The following SASS6 variants were observed in gnomAD, a reference collection of about 807,000 sequenced individuals.
SASS6 encodes the protein spindle assembly abnormal protein 6 homolog.
SASS6 carries 59 observed loss-of-function variants against 94.9 expected under a neutral mutation model. The observed-to-expected ratio is 0.62, with a 90% CI of 0.50 to 0.77. The LOEUF (loss-of-function observed/expected upper bound fraction) is 0.77, where lower values mean the gene tolerates loss of function less well. Ranked by LOEUF, SASS6 falls within the 30% of genes least tolerant of loss-of-function variation. SASS6 has a pLI of 0.00. For missense variants in SASS6, 698 were observed against 734.1 expected (o/e 0.95, Z 0.57); for synonymous variants, 264 against 270.0 (o/e 0.98, Z 0.22).
chr1:100,120,394 C>A lies in SASS6; in HGVS notation c.549G>T (p.Lys183Asn). The A allele has an allele frequency of 6.8e-7, 1 of 1,477,644 alleles. No homozygotes were observed. The highest frequency in any genetic ancestry group is 9.5e-7 in the Non-Finnish European group (1 of 1,057,890). The allele number at this position is 1,477,644 out of a possible 1,614,324, so 91.5% of individuals were successfully genotyped here. Residue 183 changes from lysine (K) to asparagine (N), a missense_variant and splice_region_variant, in exon 6 of 17, where the codon AAG (lysine) becomes AAT (asparagine). Physicochemically the swap from Lys to Asn is moderately conservative, Grantham distance 94. Coordinates refer to ENST00000287482, the MANE Select transcript of SASS6 (RefSeq NM_194292.3). ...AAAGACAAAATGAAATTTGAATTACCTTTCGTGTAAAGTCCAGTTGCTTAG... is the reference window on the plus strand; with the variant it reads ...AAAGACAAAATGAAATTTGAATTACATTTCGTGTAAAGTCCAGTTGCTTAG... ...DATKQLDFTR[K>N]TLAEKKQELD...
chr1:100,087,427 G>T (rs556533186), intron 15 of SASS6, among the ~76,000 whole-genome samples: 1 of 152,320 alleles, frequency 6.6e-6, no homozygotes, highest in East Asian at 1.9e-4. Flanking sequence ...ATGAGTATCA[G>T]CAGACAGGCC....
chr1:100,109,754 T>C (rs1653163469), intron 8 of SASS6, among the ~76,000 whole-genome samples: 1 of 152,066 alleles, frequency 6.6e-6, no homozygotes, highest in Non-Finnish European at 1.5e-5. Flanking sequence ...CTTAGTTTCA[T>C]CATCTGTAAA....
intron 14 of SASS6, among the ~76,000 whole-genome samples, chr1:100,091,091 G>A (rs550812219): frequency 7.2e-5 from 11 of 152,158 alleles, no homozygotes; most frequent in African/African-American, 2.2e-4. Context: ...AATCACATGA[G>A]GCCAGAAGTT....
rs199910652 is a variant in SASS6, at chr1:100,107,854, C to A, written c.1012G>T (p.Val338Phe). The A allele has an allele frequency of 1.2e-6, 2 of 1,612,966 alleles. No individual in the cohort carries two copies. Among genetic ancestry groups the A allele is most frequent in the Non-Finnish European group, 1.7e-6 (2 of 1,179,248 alleles). The change falls in exon 9 of 17, where the codon GTT becomes TTT. Residue 338 changes from valine (V) to phenylalanine (F), a missense_variant. Physicochemically the swap from Val to Phe is conservative, Grantham distance 50. Coordinates refer to ENST00000287482, the MANE Select transcript of SASS6 (RefSeq NM_194292.3). ...EQEIKDKDQL[V>F]LRTKEAFDTI... ...TCAAATGCCTCTTTTGTTCTTAAAA[C>A]AAGCTGGTCCTTATCCTTGATTTCC...
chr1:100,102,464 G>A lies in SASS6; in HGVS notation c.1674+491C>T, dbSNP rs377716289. Among the ~76,000 whole-genome samples, 3 of 152,182 alleles carry A rather than the reference G, an allele frequency of 2.0e-5. No individual in the cohort carries two copies. In the East Asian group the frequency reaches 5.8e-4, roughly 29 times the overall value. ...GGCCAAGGCAGGCGGATCACTTGAGGCCAGGAGTTCGAGACCAGCCTGGCC... is the reference window on the plus strand; with the variant it reads ...GGCCAAGGCAGGCGGATCACTTGAGACCAGGAGTTCGAGACCAGCCTGGCC... On this transcript the variant is annotated intron_variant, in intron 14 of 16. Transcript: ENST00000287482.
At position 100,121,385 on chromosome 1, in the gene SASS6, C is replaced by G; in HGVS notation, c.476G>C (p.Cys159Ser). The change falls in exon 5 of 17, where the codon TGT (cysteine) becomes TCT (serine). Residue 159 changes from cysteine to serine, a missense_variant. Cys to Ser is a moderately radical substitution (Grantham distance 112). Coordinates refer to ENST00000287482, the MANE Select transcript of SASS6 (RefSeq NM_194292.3). Reference sequence around the variant, plus strand: ...CTTAAATTTAAATCTTACCTTGCTACATTTCAAACAGCCTGCGAGAAATTT... The same window carrying G: ...CTTAAATTTAAATCTTACCTTGCTAGATTTCAAACAGCCTGCGAGAAATTT... ...IKKFLAGCLK[C>S]SKEEKLSLMQ... 1 of 1,559,866 alleles carries G rather than the reference C, an allele frequency of 6.4e-7. No individual in the cohort carries two copies. The highest frequency in any genetic ancestry group is 1.2e-5 in the South Asian group (1 of 83,380).
intron 7 of SASS6, among the ~76,000 whole-genome samples, chr1:100,113,577 T>C (rs184048398): frequency 5.8e-4 from 86 of 148,228 alleles, no homozygotes; most frequent in Non-Finnish European, 7.6e-4. Flanking sequence ...GTTGAGATCA[T>C]GCCACTGCAC....
chr1:100,093,459 T>C (rs933070609), intron 14 of SASS6, among the ~76,000 whole-genome samples: 1 of 152,136 alleles, frequency 6.6e-6, no homozygotes, highest in Non-Finnish European at 1.5e-5. Context: ...TAGTGTTCCA[T>C]GTGTACTTGA....
chr1:100,105,536 A>C (rs1023367761), intron 13 of SASS6, among the ~76,000 whole-genome samples: 1 of 152,040 alleles, frequency 6.6e-6, no homozygotes, highest in Non-Finnish European at 1.5e-5. Flanking sequence ...CAAAAAAAAA[A>C]CAAAACAAAA....
intron 11 of SASS6, 62 bp downstream of exon 11, chr1:100,107,312 C>A: frequency 3.0e-6 from 3 of 1,014,230 alleles, no homozygotes; most frequent in East Asian, 2.5e-5. Context: ...TGTAACAAAG[C>A]ATAAATTTTT....
chr1:100,122,553 T>A (rs1383287087), intron 3 of SASS6, 69 bp from the exon 4 acceptor site: 6 of 493,532 alleles, frequency 1.2e-5, no homozygotes, highest in South Asian at 2.7e-5. Context: ...TGGTGCCTTT[T>A]TTTTTTTTTT....
At chr1:100,119,464 A>AC (rs147541847) in intron 6 of SASS6, among the ~76,000 whole-genome samples, 5 of 152,280 alleles carry the variant, frequency 3.3e-5, no homozygotes, top group Non-Finnish European at 7.4e-5. Context: ...TACATATAAA[A>AC]CCCAGTAACA....
Position 100,120,472 on chromosome 1 carries a change from A to G in SASS6, c.484-13T>C, listed in dbSNP as rs1352718393. ...ATAATTTTTCTTCCTATTCATAAAAATAATAAAATTACACAGTTTACAATG... is the reference window on the plus strand; with the variant it reads ...ATAATTTTTCTTCCTATTCATAAAAGTAATAAAATTACACAGTTTACAATG... On this transcript the variant is annotated splice_polypyrimidine_tract_variant and intron_variant, in intron 5 of 16. Transcript: ENST00000287482. 1 of 1,180,162 alleles carries G rather than the reference A, an allele frequency of 8.5e-7. No individual in the cohort carries two copies. The highest frequency in any genetic ancestry group is 1.3e-6 in the Non-Finnish European group (1 of 785,932). The allele number at this position is 1,180,162 out of a possible 1,614,324, so 73.1% of individuals were successfully genotyped here. A position where few individuals can be genotyped will look rare whatever the true frequency, so the allele number is the denominator to read the frequency against.
chr1:100,122,558 T>TTC (rs1654280323), intron 3 of SASS6, 74 bp from the exon 4 acceptor site: 2 of 592,056 alleles, frequency 3.4e-6, no homozygotes, highest in Middle Eastern at 4.8e-4. Context: ...CCTTTTTTTT[T>TTC]TTTTTTTTTT....
chr1:100,093,631 G>A (rs756175877), intron 14 of SASS6, among the ~76,000 whole-genome samples: 4 of 151,960 alleles, frequency 2.6e-5, no homozygotes, highest in Non-Finnish European at 5.9e-5. Flanking sequence ...GTGTGGTGGT[G>A]TGCACCTGTA....
chr1:100,128,515 T>C (rs1654781635), intron 1 of SASS6, among the ~76,000 whole-genome samples: 1 of 152,180 alleles, frequency 6.6e-6, no homozygotes, highest in Admixed American at 6.5e-5. Context: ...ACATTAGATG[T>C]TGAAAGAAAA....
At chr1:100,116,159 A>G (rs1025848763) in intron 7 of SASS6, among the ~76,000 whole-genome samples, 1 of 152,192 alleles carries the variant, frequency 6.6e-6, no homozygotes, top group African/African-American at 2.4e-5. Flanking sequence ...TATAATGTAC[A>G]TGATAGATAA....
Position 100,119,052 on chromosome 1 carries a change from T to G in SASS6, c.635A>C (p.Gln212Pro). Residue 212 changes from glutamine (Q) to proline (P), a missense_variant, in exon 7 of 17, where the codon CAG (glutamine) becomes CCG (proline). By Grantham distance (76) the Gln-to-Pro change is moderately conservative. Transcript: ENST00000287482. ...TTTTTCCTTTTCATTTGTCAGTTCC[T>G]GAGAATGCTTGTTTGTCAAGGCTGC... Reference protein sequence around the residue: ...HTAALTNKHSQELTNEKEKAL... With the variant: ...HTAALTNKHSPELTNEKEKAL... The G allele has an allele frequency of 6.3e-7, 1 of 1,589,748 alleles. No homozygotes were observed. Among genetic ancestry groups the G allele is most frequent in the Non-Finnish European group, 8.6e-7 (1 of 1,164,638 alleles).
intron 1 of SASS6, 136 bp downstream of exon 1, chr1:100,132,614 G>T: frequency 1.3e-6 from 1 of 772,714 alleles, no homozygotes; most frequent in East Asian, 2.5e-5. Flanking sequence ...GGGCCCTCTG[G>T]GTTCCCTATC....
Sources: gnomAD v4.1 joint callset for allele counts (sites outside exome capture counted in the v4.1 genomes callset) on GRCh38, gnomAD v4.1.1 for gene constraint, MANE v1.5 for transcripts, NCBI Gene and HGNC (gene_info 2026-07-23, HGNC 2026-07-21) for gene names.